The following DACH2 variants were observed in gnomAD, a reference collection of about 807,000 sequenced individuals.
DACH2 encodes the protein dachshund homolog 2.
Under a neutral mutation model 35.8 loss-of-function variants are expected in DACH2, and 17 were observed. The ratio of observed to expected loss-of-function variants is 0.48; its 90% CI spans 0.33 to 0.71. The LOEUF (loss-of-function observed/expected upper bound fraction) is 0.71. Among genes scored for constraint, DACH2 ranks in the 30% least tolerant of loss-of-function variants. DACH2 has a pLI of 0.02. For synonymous variants in DACH2, 195 were observed against 177.3 expected (o/e 1.10, Z -0.79); for missense variants, 469 against 472.7 (o/e 0.99, Z 0.07).
At chrX:86,187,671 C>G (rs1260382506) in intron 1 of DACH2, among the ~76,000 whole-genome samples, 2 of 111,214 alleles carry the variant, frequency 1.8e-5, no homozygotes, top group African/African-American at 6.5e-5. Context: ...AGTGATCTGC[C>G]CACCTTAGCC....
At chrX:86,477,740 T>C (rs2037870314) in intron 2 of DACH2, among the ~76,000 whole-genome samples, 1 of 111,410 alleles carries the variant, frequency 9.0e-6, no homozygotes, top group African/African-American at 3.3e-5. Context: ...CTCTCCTCCT[T>C]CTTTCCTTTA....
chrX:86,229,838 A>T (rs1287046856), intron 1 of DACH2, among the ~76,000 whole-genome samples: 3 of 109,641 alleles, frequency 2.7e-5, no homozygotes, highest in East Asian at 2.9e-4. Flanking sequence ...ACTTTGCTGA[A>T]TTTTTTTGTC....
chrX:86,261,456 C>T (rs1246194866), intron 1 of DACH2, among the ~76,000 whole-genome samples: 3 of 111,881 alleles, frequency 2.7e-5, no homozygotes, highest in Non-Finnish European at 5.6e-5. Context: ...TCCTTTTTCT[C>T]TTTATCTTTT....
chrX:86,692,984 T>G (rs1021649144), intron 4 of DACH2, among the ~76,000 whole-genome samples: 1 of 112,428 alleles, frequency 8.9e-6, no homozygotes, highest in African/African-American at 3.2e-5. Context: ...TAACAATGTC[T>G]TATTGATTTT....
intron 1 of DACH2, among the ~76,000 whole-genome samples, chrX:86,247,065 A>T (rs1193349303): frequency 8.9e-6 from 1 of 111,967 alleles, no homozygotes; most frequent in East Asian, 2.8e-4. Flanking sequence ...ACCAATGAAG[A>T]TGAAAAAGAC....
chrX:86,536,790 A>G (rs374616502), intron 3 of DACH2, among the ~76,000 whole-genome samples: 29 of 111,857 alleles, frequency 2.6e-4, no homozygotes, highest in East Asian at 2.3e-3. Context: ...CTGTAACCCA[A>G]CCACCTTGGG....
intron 2 of DACH2, among the ~76,000 whole-genome samples, chrX:86,445,104 C>G (rs1255547969): frequency 9.0e-6 from 1 of 110,573 alleles, no homozygotes; most frequent in Non-Finnish European, 1.9e-5. Context: ...TTCTGAAGTG[C>G]ACAGTCACAT....
chrX:86,314,023 C>T (rs2034849881), intron 1 of DACH2, among the ~76,000 whole-genome samples: 1 of 111,073 alleles, frequency 9.0e-6, no homozygotes, highest in Non-Finnish European at 1.9e-5. Context: ...AAACCATGCC[C>T]ATGTAAAATG....
intron 2 of DACH2, among the ~76,000 whole-genome samples, chrX:86,450,607 C>A (rs1235768240): frequency 9.0e-6 from 1 of 110,939 alleles, no homozygotes; most frequent in Non-Finnish European, 1.9e-5. Context: ...GTTGCTGGGT[C>A]AAATGGTATT....
chrX:86,690,556 C>A (rs2040997390), intron 4 of DACH2, among the ~76,000 whole-genome samples: 1 of 111,341 alleles, frequency 9.0e-6, no homozygotes, highest in South Asian at 3.7e-4. Flanking sequence ...ACTTATCCTA[C>A]AAAGAAAATG....
At chrX:86,731,675 T>C (rs1011840953) in intron 6 of DACH2, among the ~76,000 whole-genome samples, 3 of 111,887 alleles carry the variant, frequency 2.7e-5, no homozygotes, top group African/African-American at 9.7e-5. Flanking sequence ...CATGTAAATA[T>C]TGGTAAAAAA....
chrX:86,694,411 T>C (rs1201968986), intron 4 of DACH2, among the ~76,000 whole-genome samples: 2 of 112,125 alleles, frequency 1.8e-5, no homozygotes, highest in African/African-American at 6.5e-5. Context: ...CATGATAATA[T>C]AGTATTCTGC....
At chrX:86,600,411 T>C (rs1488472146) in intron 3 of DACH2, among the ~76,000 whole-genome samples, 4 of 112,104 alleles carry the variant, frequency 3.6e-5, no homozygotes, top group African/African-American at 1.3e-4. Context: ...ATTTAAAGTC[T>C]AGGCAGAATA....
intron 7 of DACH2, among the ~76,000 whole-genome samples, chrX:86,743,500 T>A (rs1403336671): frequency 9.0e-6 from 1 of 111,560 alleles, no homozygotes; most frequent in Non-Finnish European, 1.9e-5. Context: ...ATCAGTTTAT[T>A]GTACTTCACC....
chrX:86,296,869 A>G (rs190035798), intron 1 of DACH2, among the ~76,000 whole-genome samples: 42 of 110,133 alleles, frequency 3.8e-4, no homozygotes, highest in South Asian at 1.1e-3. Context: ...AAAATAATAC[A>G]CATGACTGGT....
chrX:86,244,536 C>T (rs753287616), intron 1 of DACH2, among the ~76,000 whole-genome samples: 1 of 111,612 alleles, frequency 9.0e-6, no homozygotes, highest in East Asian at 2.8e-4. Flanking sequence ...ATCGCTTAAG[C>T]CCTTAAGTTT....
intron 1 of DACH2, among the ~76,000 whole-genome samples, chrX:86,325,189 C>T (rs1218690228): frequency 9.0e-6 from 1 of 111,346 alleles, no homozygotes; most frequent in Non-Finnish European, 1.9e-5. Flanking sequence ...ATTTCAGGCT[C>T]ATATAATGTT....
In DACH2 at chrX:86,529,977, GCACA is replaced by G. The variant is rs34621582; in HGVS notation, c.640+15611_640+15614del. 6.2e-3 allele frequency among the ~76,000 whole-genome samples: 524 copies of G among 84,184 alleles called. 2 individuals carry two copies. The highest frequency in any genetic ancestry group is 0.031 in the Middle Eastern group (5 of 159). The allele number at this position is 84,184 out of a possible 115,157, so 73.1% of individuals were successfully genotyped here. A position where few individuals can be genotyped will look rare whatever the true frequency, so the allele number is the denominator to read the frequency against. On this transcript the variant is annotated intron_variant, in intron 3 of 11. Transcript: ENST00000373125. ...CACACACACACACACACACACACAC[GCACA>G]CACACACACACACACACACACACAA...
chrX:86,526,107 G>A (rs1281173111), intron 3 of DACH2, among the ~76,000 whole-genome samples: 1 of 111,263 alleles, frequency 9.0e-6, no homozygotes, highest in Non-Finnish European at 1.9e-5. Context: ...ATTGGATGGA[G>A]TGGATGGCTG....
Sources: allele counts gnomAD v4.1 joint callset (sites outside exome capture counted in the v4.1 genomes callset), GRCh38; gene constraint gnomAD v4.1.1; transcripts MANE v1.5; gene names NCBI Gene and HGNC (gene_info 2026-07-23, HGNC 2026-07-21).